The following IFT43 variants were observed in gnomAD, a reference collection of about 807,000 sequenced individuals.
IFT43 encodes the protein intraflagellar transport protein 43 homolog.
A neutral mutation model predicts 32.3 loss-of-function variants in IFT43; 33 were observed. The observed-to-expected ratio is 1.02, with a 90% CI of 0.77 to 1.37. The LOEUF is 1.37. IFT43 is among the 40% of genes most tolerant of loss of function. The probability of loss-of-function intolerance (pLI) is 0.00; values close to 1 mark genes in which losing one functional copy is unlikely to be tolerated. For synonymous variants in IFT43, 93 were observed against 98.2 expected, an observed-to-expected ratio of 0.95 and a Z score of 0.31; for missense variants, 274 against 265.9, an observed-to-expected ratio of 1.03 and a Z score of -0.21.
chr14:76,068,927 C>G (rs1225132478), intron 5 of IFT43, among the ~76,000 whole-genome samples: 1 of 152,122 alleles, frequency 6.6e-6, no homozygotes, highest in Non-Finnish European at 1.5e-5. Context: ...ACAATCTGTT[C>G]AGGAAAACAG....
At chr14:76,007,152 C>G (rs2035994963) in intron 2 of IFT43, among the ~76,000 whole-genome samples, 1 of 152,134 alleles carries the variant, frequency 6.6e-6, no homozygotes, top group Non-Finnish European at 1.5e-5. Flanking sequence ...AGCCACTGCG[C>G]CTGTGCTGGG....
chr14:76,003,056 C>T (rs2139903068), intron 2 of IFT43, among the ~76,000 whole-genome samples: 1 of 152,254 alleles, frequency 6.6e-6, no homozygotes, highest in East Asian at 1.9e-4. Context: ...TGAAAAGGAG[C>T]AGAATGATAG....
At chr14:76,000,484 G>A (rs1048027940) in intron 2 of IFT43, among the ~76,000 whole-genome samples, 4 of 151,628 alleles carry the variant, frequency 2.6e-5, no homozygotes, top group Non-Finnish European at 5.9e-5. Context: ...GTGTTCGCCA[G>A]GATTGTCTCG....
intron 3 of IFT43, among the ~76,000 whole-genome samples, chr14:76,032,716 C>T (rs930341794): frequency 1.3e-5 from 2 of 152,166 alleles, no homozygotes; most frequent in Admixed American, 6.5e-5. Context: ...TTTAAACGGT[C>T]ACTTTACTTT....
At chr14:76,044,144 C>T (rs561052116) in intron 3 of IFT43, among the ~76,000 whole-genome samples, 3 of 151,838 alleles carry the variant, frequency 2.0e-5, no homozygotes, top group Admixed American at 1.3e-4. Context: ...CCACCTTCCG[C>T]CCTATGTGCC....
At chr14:76,020,007 T>C (rs928216150) in intron 2 of IFT43, among the ~76,000 whole-genome samples, 1 of 152,096 alleles carries the variant, frequency 6.6e-6, no homozygotes, top group Admixed American at 6.5e-5. Context: ...ACGGAATCTC[T>C]CCCTGTTGCC....
intron 3 of IFT43, among the ~76,000 whole-genome samples, chr14:76,030,077 G>C (rs1250481631): frequency 6.6e-6 from 1 of 151,718 alleles, no homozygotes; most frequent in African/African-American, 2.4e-5. Flanking sequence ...TTGTAGAGCT[G>C]TGGTCTCACT....
chr14:76,027,273 T>C (rs1389723718), intron 3 of IFT43, among the ~76,000 whole-genome samples: 1 of 151,958 alleles, frequency 6.6e-6, no homozygotes, highest in African/African-American at 2.4e-5. Flanking sequence ...ATTAAAAATA[T>C]TTACTTCCAA....
rs750333002 is a variant in IFT43, at chr14:75,985,816, G to T, written c.30G>T (p.Glu10Asp). ...AGGATTTGCTCGACTTGGACGAGGA[G>T]CTTCGCTACAGCTTGGCTACCTCCG... MEDLLDLDE[E>D]LRYSLATSRA... The change falls in exon 1 of 9, where the codon GAG becomes GAT. Residue 10 changes from glutamate to aspartate, a missense_variant. Glu to Asp is a conservative substitution (Grantham distance 45). Coordinates refer to ENST00000314067, the MANE Select transcript of IFT43 (RefSeq NM_001102564.3). 3.1e-6 allele frequency: 5 copies of T among 1,614,098 alleles called. No homozygotes were observed. Among genetic ancestry groups the T allele is most frequent in the East Asian group, 4.5e-5 (2 of 44,892 alleles).
At chr14:75,998,088 C>A (rs2035781639) in intron 2 of IFT43, among the ~76,000 whole-genome samples, 1 of 152,216 alleles carries the variant, frequency 6.6e-6, no homozygotes, top group African/African-American at 2.4e-5. Context: ...TTATTATATG[C>A]ACTCGTTTCT....
intron 2 of IFT43, among the ~76,000 whole-genome samples, chr14:75,996,025 A>G (rs984992478): frequency 9.2e-5 from 14 of 152,232 alleles, no homozygotes; most frequent in Admixed American, 8.5e-4. Context: ...CTCCGCCAGC[A>G]CTGGCTCTGG....
chr14:76,008,061 T>C (rs1011634118), intron 2 of IFT43, among the ~76,000 whole-genome samples: 1 of 152,330 alleles, frequency 6.6e-6, no homozygotes, highest in South Asian at 2.1e-4. Flanking sequence ...CTTTTTATTA[T>C]AGGTTATGTG....
At chr14:76,043,102 C>A (rs1482117902) in intron 3 of IFT43, among the ~76,000 whole-genome samples, 2 of 152,186 alleles carry the variant, frequency 1.3e-5, no homozygotes, top group African/African-American at 2.4e-5. Context: ...GTCTCTTCAG[C>A]CTTACACACA....
At chr14:75,997,245 G>A (rs1372012774) in intron 2 of IFT43, among the ~76,000 whole-genome samples, 1 of 152,230 alleles carries the variant, frequency 6.6e-6, no homozygotes, top group East Asian at 1.9e-4. Flanking sequence ...TAGAGGGGTG[G>A]TCGTAAGTGA....
At chr14:76,009,939 T>C (rs998077223) in intron 2 of IFT43, among the ~76,000 whole-genome samples, 1 of 152,038 alleles carries the variant, frequency 6.6e-6, no homozygotes, top group Non-Finnish European at 1.5e-5. Flanking sequence ...GGACTACAGG[T>C]ACATGCCACC....
intron 2 of IFT43, among the ~76,000 whole-genome samples, chr14:76,000,957 A>G (rs1207427172): frequency 6.6e-6 from 1 of 152,208 alleles, no homozygotes; most frequent in African/African-American, 2.4e-5. Context: ...AAAATGTGGT[A>G]TGGAGCTTAA....
intron 3 of IFT43, among the ~76,000 whole-genome samples, chr14:76,023,790 T>G (rs1405021607): frequency 1.3e-5 from 2 of 152,242 alleles, no homozygotes; most frequent in Middle Eastern, 3.2e-3. Context: ...CAATGGTTAT[T>G]TTGATTATGA....
At chr14:76,041,353 C>G (rs981285649) in intron 3 of IFT43, among the ~76,000 whole-genome samples, 1 of 152,146 alleles carries the variant, frequency 6.6e-6, no homozygotes, top group Non-Finnish European at 1.5e-5. Context: ...ATGATAACAG[C>G]CAAAAGCACA....
chr14:75,999,125 C>T (rs533496458), intron 2 of IFT43, among the ~76,000 whole-genome samples: 12 of 130,790 alleles, frequency 9.2e-5, no homozygotes, highest in Non-Finnish European at 1.9e-4. Context: ...TTTTTGTCCT[C>T]TTAACCAGTG....
Sources: gnomAD v4.1 joint callset for allele counts (sites outside exome capture counted in the v4.1 genomes callset) on GRCh38, gnomAD v4.1.1 for gene constraint, MANE v1.5 for transcripts, NCBI Gene and HGNC (gene_info 2026-07-23, HGNC 2026-07-21) for gene names.